Variants in NLGN1 observed in about 807,000 individuals in gnomAD.
NLGN1 encodes neuroligin 1, also known as neuroligin-1.
In NLGN1, 12 loss-of-function variants were observed where a neutral mutation model predicts 65.5. The ratio of observed to expected loss-of-function variants is 0.18; its 90% CI spans 0.12 to 0.30. The LOEUF is 0.30. Ranked by LOEUF, NLGN1 falls within the 10% of genes least tolerant of loss-of-function variation. The pLI is 1.00. For missense variants in NLGN1, 750 were observed against 1,007.1 expected, an observed-to-expected ratio of 0.74 and a Z score of 3.46; for synonymous variants, 350 against 359.5, an observed-to-expected ratio of 0.97 and a Z score of 0.30.
intron 3 of NLGN1, among the ~76,000 whole-genome samples, chr3:173,757,083 C>T (rs759259475): frequency 4.0e-5 from 6 of 151,840 alleles, no homozygotes; most frequent in African/African-American, 2.4e-5. Context: ...CCAATATCTT[C>T]GTTGTAAAAG....
chr3:173,586,308 A>G (rs1318203052), intron 2 of NLGN1, among the ~76,000 whole-genome samples: 1 of 152,236 alleles, frequency 6.6e-6, no homozygotes, highest in African/African-American at 2.4e-5. Context: ...GTATGCAGAT[A>G]CCTTTGTGGT....
rs552380542 is a variant in NLGN1, at chr3:173,499,037, G to A, written c.-321+63959G>A. 8.4e-3 allele frequency among the ~76,000 whole-genome samples: 1,267 copies of A among 150,788 alleles called. 56 individuals carry two copies. The highest frequency in any genetic ancestry group is 0.03 in the African/African-American group (1,224 of 40,760). On this transcript the variant is annotated intron_variant, in intron 2 of 6. Transcript: ENST00000457714. ...CACTCTGATGGTAGTTTCTTTTGCT[G>A]TGCAGAAGCTCTTTAGTTGAATTAG... is the stretch of plus-strand genomic sequence containing the variant.
At chr3:174,159,112 C>T (rs899948040) in intron 4 of NLGN1, among the ~76,000 whole-genome samples, 3 of 151,688 alleles carry the variant, frequency 2.0e-5, no homozygotes, top group Non-Finnish European at 4.4e-5. Context: ...AGTATACCCT[C>T]GGTAGTATTG....
At chr3:173,954,641 A>G (rs1279112694) in intron 4 of NLGN1, among the ~76,000 whole-genome samples, 1 of 152,040 alleles carries the variant, frequency 6.6e-6, no homozygotes, top group Non-Finnish European at 1.5e-5. Context: ...TTCTGAGGCA[A>G]TAAGAGAAGT....
chr3:173,646,065 G>C (rs1758217927), intron 3 of NLGN1, among the ~76,000 whole-genome samples: 1 of 152,102 alleles, frequency 6.6e-6, no homozygotes, highest in Non-Finnish European at 1.5e-5. Context: ...CCTATTCCCT[G>C]AGGAGAGGGG....
intron 4 of NLGN1, among the ~76,000 whole-genome samples, chr3:174,204,903 T>C (rs930863788): frequency 5.3e-5 from 8 of 152,154 alleles, no homozygotes; most frequent in African/African-American, 1.7e-4. Context: ...TTTCCAGTTA[T>C]CATATCCTAG....
chr3:174,017,010 C>A (rs7615172), intron 4 of NLGN1, among the ~76,000 whole-genome samples: 40,842 of 151,970 alleles, frequency 0.27, 6,647 homozygotes, highest in African/African-American at 0.45. Flanking sequence ...ATGGCTAATA[C>A]AATCTGAGAA....
intron 3 of NLGN1, chr3:173,800,301 A>C: frequency 8.4e-7 from 1 of 1,192,838 alleles, no homozygotes; most frequent in South Asian, 1.5e-5. Flanking sequence ...AGGTCCCCTT[A>C]CAAAGAAACA....
intron 3 of NLGN1, among the ~76,000 whole-genome samples, chr3:173,653,787 A>G (rs1759571469): frequency 6.6e-6 from 1 of 152,130 alleles, no homozygotes; most frequent in Non-Finnish European, 1.5e-5. Context: ...TTGGGCAGAA[A>G]AAGCCTCACA....
intron 4 of NLGN1, among the ~76,000 whole-genome samples, chr3:173,916,416 G>T (rs961420981): frequency 6.6e-6 from 1 of 152,156 alleles, no homozygotes; most frequent in Admixed American, 6.6e-5. Context: ...AAGAATATAA[G>T]CTCTAGCTTA....
intron 4 of NLGN1, among the ~76,000 whole-genome samples, chr3:173,834,406 C>T (rs566105736): frequency 3.9e-4 from 59 of 152,124 alleles, no homozygotes; most frequent in African/African-American, 1.4e-3. Flanking sequence ...TAAAATTTTA[C>T]TATATTTTAT....
chr3:173,788,206 C>CAAAAAAAAAAAAAAAA (rs537790655), intron 3 of NLGN1, among the ~76,000 whole-genome samples: 1 of 60,840 alleles, frequency 1.6e-5, no homozygotes. Context: ...TGACATTTTG[C>CAAAAAAAAAAAAAAAA]AAAAAAAAAA....
intron 3 of NLGN1, among the ~76,000 whole-genome samples, chr3:173,710,657 A>G (rs1768808027): frequency 1.3e-5 from 2 of 152,222 alleles, no homozygotes; most frequent in African/African-American, 4.8e-5. Context: ...TGAAACCTTA[A>G]TAATTAAATT....
chr3:173,804,218 A>C (rs1716115477), intron 3 of NLGN1, among the ~76,000 whole-genome samples: 2 of 152,278 alleles, frequency 1.3e-5, no homozygotes, highest in South Asian at 4.1e-4. Context: ...TAAGGCTTAA[A>C]ACCATTGCAA....
At chr3:174,085,115 AT>A (rs1329528732) in intron 4 of NLGN1, among the ~76,000 whole-genome samples, 1 of 151,950 alleles carries the variant, frequency 6.6e-6, no homozygotes. Flanking sequence ...ATTTCTTAAA[AT>A]TTGCTCCTTA....
chr3:173,489,317 G>A (rs1728711247), intron 2 of NLGN1, among the ~76,000 whole-genome samples: 1 of 150,746 alleles, frequency 6.6e-6, no homozygotes, highest in South Asian at 2.1e-4. Flanking sequence ...TCCCAACTAT[G>A]AGTGAGAACA....
At chr3:173,644,051 A>T (rs577430954) in intron 3 of NLGN1, among the ~76,000 whole-genome samples, 7 of 152,330 alleles carry the variant, frequency 4.6e-5, no homozygotes, top group Admixed American at 2.0e-4. Context: ...AGGACCAGCC[A>T]ACAAAGGTTA....
chr3:174,090,026 GA>G (rs1236489379), intron 4 of NLGN1, among the ~76,000 whole-genome samples: 1 of 151,832 alleles, frequency 6.6e-6, no homozygotes, highest in African/African-American at 2.4e-5. Context: ...GTTCTATAAT[GA>G]AATTTATCTT....
intron 3 of NLGN1, among the ~76,000 whole-genome samples, chr3:173,725,682 G>A (rs553327693): frequency 6.6e-6 from 1 of 152,288 alleles, no homozygotes; most frequent in East Asian, 1.9e-4. Context: ...GTCAGTTTCT[G>A]TGAGTCAGAG....
Sources: allele counts gnomAD v4.1 joint callset (sites outside exome capture counted in the v4.1 genomes callset), GRCh38; gene constraint gnomAD v4.1.1; transcripts MANE v1.5; gene names NCBI Gene and HGNC (gene_info 2026-07-23, HGNC 2026-07-21).